Variants in DLG5 observed in about 807,000 individuals in gnomAD.
DLG5 encodes the protein disks large homolog 5.
In DLG5, 48 loss-of-function variants were observed where a neutral mutation model predicts 189.8. The ratio of observed to expected loss-of-function variants is 0.25; its 90% CI spans 0.20 to 0.32. DLG5 has a LOEUF of 0.32. Among genes scored for constraint, DLG5 ranks in the 10% least tolerant of loss-of-function variants. The probability of loss-of-function intolerance (pLI) is 1.00; values close to 1 mark genes in which losing one functional copy is unlikely to be tolerated. For synonymous variants in DLG5, 1,016 were observed against 1,054.1 expected, an observed-to-expected ratio of 0.96 and a Z score of 0.70; for missense variants, 2,160 against 2,544.7, an observed-to-expected ratio of 0.85 and a Z score of 3.25.
chr10:77,858,890 T>G (rs1264648579), intron 2 of DLG5, among the ~76,000 whole-genome samples: 1 of 152,164 alleles, frequency 6.6e-6, no homozygotes, highest in African/African-American at 2.4e-5. Flanking sequence ...TGTGTGTTTT[T>G]TTGAGACAGG....
chr10:77,856,950 G>C (rs934805944), intron 2 of DLG5, 58 bp from the exon 3 acceptor site: 1 of 1,535,428 alleles, frequency 6.5e-7, no homozygotes, highest in East Asian at 2.3e-5. Flanking sequence ...CGAGGCGCCC[G>C]GTGCTGTCCT....
chr10:77,862,469 TGGATTCTCA>T lies in DLG5; in HGVS notation c.374-5586_374-5578del, dbSNP rs148490079. 2.8e-3 allele frequency among the ~76,000 whole-genome samples: 426 copies of T among 152,332 alleles called. 3 individuals are homozygous for T. Among genetic ancestry groups the T allele is most frequent in the African/African-American group, 9.9e-3 (412 of 41,582 alleles). On this transcript the variant is annotated intron_variant, in intron 2 of 31. Coordinates refer to ENST00000372391, the MANE Select transcript of DLG5 (RefSeq NM_004747.4). ...CACCAAATGCTGGCAAGGATACAGC[TGGATTCTCA>T]AAACTGGAATTCTCAAACACTGCTG...
chr10:77,884,844 G>A (rs761978972), intron 1 of DLG5, among the ~76,000 whole-genome samples: 3 of 152,144 alleles, frequency 2.0e-5, no homozygotes, highest in Admixed American at 6.6e-5. Flanking sequence ...CACCGTCCAG[G>A]AGGGTTCACC....
At chr10:77,939,463 CCACGGCATTCAGAGTCCCTTT>C in the DLG5 span, among the ~76,000 whole-genome samples, 5 of 152,276 alleles carry the variant, frequency 3.3e-5, no homozygotes, top group African/African-American at 1.2e-4. Context: ...ACCAACCCTT[CCACGGCATTCAGAGTCCCTTT>C]CACCCACACC....
At chr10:77,868,326 A>G in intron 2 of DLG5, 1 of 358,208 alleles carries the variant, frequency 2.8e-6, no homozygotes. Context: ...TGGGGCCCAC[A>G]TCTGCCTAAT....
chr10:77,919,979 A>T (rs949338204), intron 1 of DLG5, among the ~76,000 whole-genome samples: 1 of 152,206 alleles, frequency 6.6e-6, no homozygotes, highest in African/African-American at 2.4e-5. Context: ...CTGACTATTC[A>T]TTCGTTCAAC....
intron 1 of DLG5, among the ~76,000 whole-genome samples, chr10:77,922,438 C>T (rs1003923762): frequency 1.3e-5 from 2 of 152,188 alleles, no homozygotes. Context: ...TGTCTTCTCC[C>T]TACCACCAGC....
the DLG5 span, among the ~76,000 whole-genome samples, chr10:77,938,913 G>C: frequency 6.6e-6 from 1 of 152,226 alleles, no homozygotes; most frequent in Admixed American, 6.5e-5. Flanking sequence ...ATCAGGCCCG[G>C]TGCAGTGGCT....
rs780187574 is a variant in DLG5, at chr10:77,821,369, C to T, written c.3115G>A (p.Val1039Met). 2 of 1,612,750 alleles carry T rather than the reference C, an allele frequency of 1.2e-6. No individual in the cohort carries two copies. The highest frequency in any genetic ancestry group is 1.6e-4 in the Middle Eastern group (1 of 6,062). ...GGACTAGTGGATGGGGAGCTGCCCA[C>T]CAGAGTGGCTTCTGACTCGGAGCTA... ...ETSSESEATL[V>M]GSSPSTSPPS... The change falls in exon 15 of 32, where the codon GTG becomes ATG. Residue 1039 changes from valine (V) to methionine (M), a missense_variant. Coordinates refer to ENST00000372391, the MANE Select transcript of DLG5 (RefSeq NM_004747.4).
chr10:77,866,883 G>A, intron 2 of DLG5: 1 of 432,052 alleles, frequency 2.3e-6, no homozygotes, highest in South Asian at 1.7e-5. Context: ...GCAATCTCAA[G>A]CAGAAGAGCA....
At chr10:77,910,987 G>GAAAAAAAAAAAAA (rs55832630) in intron 1 of DLG5, among the ~76,000 whole-genome samples, 1 of 84,260 alleles carries the variant, frequency 1.2e-5, no homozygotes, top group East Asian at 3.8e-4. Flanking sequence ...CTGTCTGAAG[G>GAAAAAAAAAAAAA]AAAAAAAAAA....
intron 1 of DLG5, among the ~76,000 whole-genome samples, chr10:77,887,853 C>A (rs1393742982): frequency 6.6e-6 from 1 of 152,210 alleles, no homozygotes; most frequent in Non-Finnish European, 1.5e-5. Flanking sequence ...GGCTCCAGAG[C>A]CACACGCCTT....
In DLG5 at chr10:77,821,110, G is replaced by A. The variant is rs778662061; in HGVS notation, c.3374C>T (p.Pro1125Leu). ...SAPSFRPKLA[P>L]VVIPAQFLEE... ...CAGGAACTGAGCAGGAATCACTACTGGAGCAAGCTTCGGCCGAAAACTGGG... is the reference window on the plus strand; with the variant it reads ...CAGGAACTGAGCAGGAATCACTACTAGAGCAAGCTTCGGCCGAAAACTGGG... The change falls in exon 15 of 32, where the codon CCA becomes CTA. Residue 1125 changes from proline to leucine, a missense_variant. By Grantham distance (98) the Pro-to-Leu change is moderately conservative. Around this residue, in one of 5 missense-constraint regions of DLG5, gnomAD observed 754 missense variants for 746.5 expected, o/e 1.01. Transcript: ENST00000372391. 6.2e-7 allele frequency: 1 copy of A among 1,613,626 alleles called. No individual in the cohort carries two copies. Among genetic ancestry groups the A allele is most frequent in the Non-Finnish European group, 8.5e-7 (1 of 1,179,842 alleles).
At chr10:77,888,067 G>A (rs930014450) in intron 1 of DLG5, among the ~76,000 whole-genome samples, 1 of 152,202 alleles carries the variant, frequency 6.6e-6, no homozygotes, top group Non-Finnish European at 1.5e-5. Flanking sequence ...ACAGGATTTT[G>A]TGCAAACATG....
chr10:77,927,673 C>T (rs377685031), upstream of DLG5: 2 of 152,218 alleles, frequency 1.3e-5, no homozygotes, highest in South Asian at 2.1e-4. Flanking sequence ...GAGGCGCTCT[C>T]CCCCTAAATG....
At chr10:77,869,501 T>C (rs1257123979) in intron 1 of DLG5, 1 of 400,276 alleles carries the variant, frequency 2.5e-6, no homozygotes, top group Non-Finnish European at 4.5e-6. Context: ...GGGAGTGACA[T>C]GCCCCAGGTA....
chr10:77,829,767 C>T (rs998718301), intron 11 of DLG5, among the ~76,000 whole-genome samples: 2 of 152,218 alleles, frequency 1.3e-5, no homozygotes, highest in African/African-American at 4.8e-5. Flanking sequence ...CCCTCCAGGC[C>T]TCAGCGTCTT....
At chr10:77,871,008 T>G (rs187555848) in intron 1 of DLG5, among the ~76,000 whole-genome samples, 59 of 152,218 alleles carry the variant, frequency 3.9e-4, no homozygotes, top group African/African-American at 1.3e-3. Context: ...GCAACTTTGG[T>G]AATGGCAAGC....
rs145049003 is a variant in DLG5 at position 77,806,961 on chromosome 10, C to T, written c.4797-33G>A. 1.3e-4 allele frequency: 210 copies of T among 1,589,582 alleles called. 1 individual carries two copies. In the African/African-American group the frequency reaches 2.3e-3, roughly 17 times the overall value. On this transcript the variant is annotated intron_variant, in intron 25 of 31. Transcript: ENST00000372391. ...ACAGCACAGAAGGAACACGATCAGG[C>T]GGCTCTGGCCACCAAGGACGAACCA...
Sources: gnomAD v4.1 joint callset for allele counts (sites outside exome capture counted in the v4.1 genomes callset) on GRCh38, gnomAD v4.1.1 for gene constraint, gnomAD v4.1.1 regional missense constraint, MANE v1.5 for transcripts, NCBI Gene and HGNC (gene_info 2026-07-23, HGNC 2026-07-21) for gene names.